The following TAOK1 variants were observed in gnomAD, a reference collection of about 807,000 sequenced individuals.
TAOK1 encodes TAO kinase 1, also known as serine/threonine-protein kinase TAO1.
In TAOK1, 21 loss-of-function variants were observed where a neutral mutation model predicts 138.3. The ratio of observed to expected loss-of-function variants is 0.15; its 90% CI spans 0.11 to 0.22. The LOEUF (loss-of-function observed/expected upper bound fraction) is 0.22. TAOK1 is among the 10% of genes least tolerant of loss of function. The pLI, the probability that TAOK1 is intolerant of heterozygous loss-of-function variation, is 1.00. For synonymous variants in TAOK1, 361 were observed against 398.4 expected (o/e 0.91, Z 1.12); for missense variants, 651 against 1,227.7 (o/e 0.53, Z 7.02).
chr17:29,517,686 C>G lies in TAOK1; in HGVS notation c.1908+30C>G, dbSNP rs764404784. 6 of 1,565,314 alleles carry G rather than the reference C, an allele frequency of 3.8e-6. No individual in the cohort carries two copies. The East Asian group carries it at 1.1e-4, about 29-fold the overall frequency. ...GTTTGAGTGATGAGAAATTTTAAAT[C>G]CTTTATCAAAAGAATCTTTCCTGAA... On this transcript the variant is annotated intron_variant, in intron 16 of 19. Coordinates refer to ENST00000261716, the MANE Select transcript of TAOK1 (RefSeq NM_020791.4).
chr17:29,450,441 T>C (rs1482439128), intron 1 of TAOK1, among the ~76,000 whole-genome samples: 1 of 152,190 alleles, frequency 6.6e-6, no homozygotes, highest in Non-Finnish European at 1.5e-5. Flanking sequence ...GAACTAGTGT[T>C]GCTGGGATTC....
intron 2 of TAOK1, among the ~76,000 whole-genome samples, chr17:29,464,366 C>T (rs1335597216): frequency 1.3e-5 from 2 of 151,034 alleles, no homozygotes; most frequent in Non-Finnish European, 2.9e-5. Flanking sequence ...ATGGCATGAA[C>T]CTGGGAGGCA....
intron 3 of TAOK1, among the ~76,000 whole-genome samples, chr17:29,472,617 A>G (rs2030849270): frequency 1.5e-5 from 2 of 136,192 alleles, no homozygotes; most frequent in Non-Finnish European, 3.1e-5. Flanking sequence ...CTTGTTGCCC[A>G]GGCTGGGGTG....
chr17:29,393,199 T>C (rs1904483281), intron 1 of TAOK1, among the ~76,000 whole-genome samples: 1 of 152,204 alleles, frequency 6.6e-6, no homozygotes, highest in African/African-American at 2.4e-5. Context: ...AATTATTTCA[T>C]ATATACTAGC....
intron 1 of TAOK1, among the ~76,000 whole-genome samples, chr17:29,395,486 G>T (rs951183521): frequency 2.0e-5 from 3 of 152,114 alleles, no homozygotes; most frequent in Non-Finnish European, 4.4e-5. Context: ...AGTTGAGATG[G>T]CGCCACTGCC....
chr17:29,492,830 T>C (rs2031325702), intron 10 of TAOK1, among the ~76,000 whole-genome samples: 1 of 150,878 alleles, frequency 6.6e-6, no homozygotes, highest in Non-Finnish European at 1.5e-5. Context: ...GGTTTTATGT[T>C]TTTGGATGAA....
intron 18 of TAOK1, among the ~76,000 whole-genome samples, chr17:29,531,500 C>A (rs1332090613): frequency 6.6e-6 from 1 of 151,692 alleles, no homozygotes; most frequent in Non-Finnish European, 1.5e-5. Flanking sequence ...CAGTGGCTCA[C>A]GCCTGTAATC....
intron 6 of TAOK1, 121 bp from the exon 7 acceptor site, chr17:29,480,247 C>T: frequency 1.6e-6 from 1 of 606,370 alleles, no homozygotes; most frequent in South Asian, 3.1e-5. Flanking sequence ...TGAGATTACC[C>T]CAGCACTTAA....
chr17:29,532,486 C>T (rs1208461455), intron 18 of TAOK1, among the ~76,000 whole-genome samples: 1 of 151,894 alleles, frequency 6.6e-6, no homozygotes, highest in Admixed American at 6.6e-5. Flanking sequence ...AGGCAGAGGA[C>T]CCTTCGGCCT....
At chr17:29,473,546 C>A (rs1004305140) in intron 3 of TAOK1, among the ~76,000 whole-genome samples, 2 of 150,534 alleles carry the variant, frequency 1.3e-5, no homozygotes, top group Non-Finnish European at 2.9e-5. Context: ...TTGTAGTGAG[C>A]CAAGATCATG....
intron 1 of TAOK1, among the ~76,000 whole-genome samples, chr17:29,397,672 T>TATACATGTACATTCATGTATG (rs1904678249): frequency 1.7e-5 from 1 of 59,614 alleles, no homozygotes; most frequent in Non-Finnish European, 3.1e-5. Flanking sequence ...ATGATACATG[T>TATACATGTACATTCATGTATG]ATACATGTAT....
chr17:29,412,121 C>A (rs560019495), intron 1 of TAOK1, among the ~76,000 whole-genome samples: 1 of 152,020 alleles, frequency 6.6e-6, no homozygotes, highest in Non-Finnish European at 1.5e-5. Context: ...CAGCTCACTG[C>A]AACCTCCATC....
At chr17:29,411,301 C>T (rs1018951398) in intron 1 of TAOK1, among the ~76,000 whole-genome samples, 2 of 151,316 alleles carry the variant, frequency 1.3e-5, no homozygotes, top group Non-Finnish European at 2.9e-5. Context: ...CCGTTTTAGC[C>T]GGGATGGTCT....
chr17:29,413,479 C>G (rs1041889051), intron 1 of TAOK1, among the ~76,000 whole-genome samples: 2 of 151,948 alleles, frequency 1.3e-5, no homozygotes, highest in Admixed American at 6.6e-5. Context: ...GTCTGTAGTC[C>G]CAGCTGCTTG....
At chr17:29,496,634 T>C (rs1253245935) in intron 11 of TAOK1, among the ~76,000 whole-genome samples, 27 of 148,462 alleles carry the variant, frequency 1.8e-4, no homozygotes, top group South Asian at 1.3e-3. Flanking sequence ...GTAGCCCAGT[T>C]TGGAGTACAG....
At chr17:29,462,903 C>A (rs571879067) in intron 2 of TAOK1, among the ~76,000 whole-genome samples, 1 of 152,162 alleles carries the variant, frequency 6.6e-6, no homozygotes, top group Admixed American at 6.5e-5. Context: ...TGTTTTTGCT[C>A]TTTTTCTCTC....
intron 1 of TAOK1, among the ~76,000 whole-genome samples, chr17:29,437,597 A>G (rs1906073899): frequency 6.6e-6 from 1 of 152,214 alleles, no homozygotes; most frequent in African/African-American, 2.4e-5. Context: ...ATTTTGGCAT[A>G]TAATGTATAA....
chr17:29,533,439 G>C, intron 18 of TAOK1, among the ~76,000 whole-genome samples: 1 of 151,894 alleles, frequency 6.6e-6, no homozygotes, highest in Non-Finnish European at 1.5e-5. Context: ...CAGATGGGGT[G>C]GCGGCCGGGC....
At chr17:29,472,169 G>A (rs1195237947) in intron 3 of TAOK1, among the ~76,000 whole-genome samples, 3 of 151,870 alleles carry the variant, frequency 2.0e-5, no homozygotes, top group African/African-American at 7.3e-5. Flanking sequence ...ATGGCATCTA[G>A]AATGAATTAT....
Sources: gnomAD v4.1 joint callset for allele counts (sites outside exome capture counted in the v4.1 genomes callset) on GRCh38, gnomAD v4.1.1 for gene constraint, MANE v1.5 for transcripts, NCBI Gene and HGNC (gene_info 2026-07-23, HGNC 2026-07-21) for gene names.